Variants in ADK observed in about 807,000 individuals in gnomAD.
The protein encoded by ADK is N6,N6-dimethyladenosine kinase.
Under a neutral mutation model 44.7 loss-of-function variants are expected in ADK, and 24 were observed. The observed-to-expected ratio is 0.54, with a 90% CI of 0.39 to 0.76. ADK has a LOEUF of 0.76. ADK is among the 30% of genes least tolerant of loss of function. The probability of loss-of-function intolerance (pLI) is 0.00; values close to 1 mark genes in which losing one functional copy is unlikely to be tolerated. For synonymous variants in ADK, 128 were observed against 142.6 expected, an observed-to-expected ratio of 0.90 and a Z score of 0.73; for missense variants, 321 against 425.1, an observed-to-expected ratio of 0.76 and a Z score of 2.15.
rs763883316 is a variant in ADK at position 74,627,680 on chromosome 10, G to A, written c.877+27187G>A. Among the ~76,000 whole-genome samples, 15 of 151,994 alleles carry A rather than the reference G, an allele frequency of 9.9e-5. 1 individual carries two copies. The highest frequency in any genetic ancestry group is 5.9e-4 in the Admixed American group (9 of 15,264). On this transcript the variant is annotated intron_variant, in intron 9 of 10. Coordinates refer to ENST00000539909, the MANE Select transcript of ADK (RefSeq NM_006721.4). ...GAGTCTCGCTCTGTCACCCAGGCTG[G>A]AGTGTGCAGTGGCACGATCTCGGCT...
chr10:74,515,417 A>G (rs1848528933), intron 6 of ADK, among the ~76,000 whole-genome samples: 1 of 152,204 alleles, frequency 6.6e-6, no homozygotes, highest in Non-Finnish European at 1.5e-5. Context: ...GACTGGGGCC[A>G]CAAGGCTGTT....
intron 1 of ADK, among the ~76,000 whole-genome samples, chr10:74,175,999 C>T (rs1001558883): frequency 4.6e-5 from 7 of 151,976 alleles, no homozygotes; most frequent in African/African-American, 1.5e-4. Context: ...TTTTTATAGC[C>T]CGCATGCTTC....
chr10:74,164,661 A>G (rs945772753), intron 1 of ADK, among the ~76,000 whole-genome samples: 6 of 152,282 alleles, frequency 3.9e-5, no homozygotes, highest in African/African-American at 1.2e-4. Flanking sequence ...CTTTAGAGAA[A>G]TATATACATT....
intron 9 of ADK, among the ~76,000 whole-genome samples, chr10:74,652,045 TCTTTC>T (rs1445067311): frequency 2.0e-5 from 3 of 150,220 alleles, no homozygotes; most frequent in African/African-American, 5.0e-5. Context: ...GAACTTTCTT[TCTTTC>T]TTTTTTTTTT....
intron 7 of ADK, among the ~76,000 whole-genome samples, chr10:74,533,334 C>G (rs541616708): frequency 6.6e-6 from 1 of 152,136 alleles, no homozygotes; most frequent in South Asian, 2.1e-4. Flanking sequence ...AGTAGCCAAA[C>G]CAACGTGGAT....
chr10:74,416,031 T>TACAC (rs1242450172), intron 6 of ADK, among the ~76,000 whole-genome samples: 10 of 82,868 alleles, frequency 1.2e-4, no homozygotes, highest in Admixed American at 2.7e-4. Context: ...CACATACATA[T>TACAC]ATACACACAC....
intron 4 of ADK, among the ~76,000 whole-genome samples, chr10:74,345,917 T>C (rs11001006): frequency 0.65 from 99,364 of 151,986 alleles, 33,622 homozygotes; most frequent in Middle Eastern, 0.81. Context: ...TGTTTTGAGA[T>C]GCAGTCTCTC....
chr10:74,700,148 T>C (rs1856363105), intron 10 of ADK, among the ~76,000 whole-genome samples: 1 of 152,192 alleles, frequency 6.6e-6, no homozygotes, highest in African/African-American at 2.4e-5. Context: ...ACATAGGAGA[T>C]AGATTAAACT....
At chr10:74,642,359 ATTTTT>A (rs59316334) in intron 9 of ADK, among the ~76,000 whole-genome samples, 3 of 134,152 alleles carry the variant, frequency 2.2e-5, no homozygotes, top group African/African-American at 8.5e-5. Flanking sequence ...GATGCACTCA[ATTTTT>A]TTTTTTTTTT....
intron 7 of ADK, among the ~76,000 whole-genome samples, chr10:74,560,620 T>A (rs1386040708): frequency 6.6e-6 from 1 of 152,226 alleles, no homozygotes; most frequent in African/African-American, 2.4e-5. Context: ...TAAAATTTTG[T>A]TAATTTAGTC....
chr10:74,453,979 A>G (rs757979122), intron 6 of ADK, among the ~76,000 whole-genome samples: 4 of 152,162 alleles, frequency 2.6e-5, no homozygotes, highest in Admixed American at 6.5e-5. Context: ...CAGTTTCATT[A>G]ACATCTTAAA....
chr10:74,608,245 C>T (rs1363341047), intron 9 of ADK, among the ~76,000 whole-genome samples: 1 of 151,878 alleles, frequency 6.6e-6, no homozygotes, highest in African/African-American at 2.4e-5. Flanking sequence ...ATTTGTCAAA[C>T]TAGTTCTCTG....
chr10:74,157,843 G>T (rs1170695972), intron 1 of ADK, among the ~76,000 whole-genome samples: 1 of 152,180 alleles, frequency 6.6e-6, no homozygotes, highest in Non-Finnish European at 1.5e-5. Context: ...GGTGAGCCGA[G>T]ATCGTGCCAT....
chr10:74,604,018 T>A (rs1434602550), intron 9 of ADK, among the ~76,000 whole-genome samples: 3 of 152,248 alleles, frequency 2.0e-5, no homozygotes, highest in Non-Finnish European at 4.4e-5. Flanking sequence ...GAGCTTTTTT[T>A]CATGTGTTTG....
intron 6 of ADK, among the ~76,000 whole-genome samples, chr10:74,504,941 T>G (rs1488642627): frequency 6.6e-6 from 1 of 152,070 alleles, no homozygotes; most frequent in African/African-American, 2.4e-5. Flanking sequence ...CAGTTCTTTA[T>G]AGGAGTGTGA....
chr10:74,654,225 G>C (rs1256030334), intron 9 of ADK, among the ~76,000 whole-genome samples: 1 of 152,132 alleles, frequency 6.6e-6, no homozygotes, highest in Non-Finnish European at 1.5e-5. Flanking sequence ...TTTAAGAAGG[G>C]TCACATTTAG....
At chr10:74,585,854 T>C (rs1367088735) in intron 7 of ADK, among the ~76,000 whole-genome samples, 1 of 152,214 alleles carries the variant, frequency 6.6e-6, no homozygotes, top group Non-Finnish European at 1.5e-5. Flanking sequence ...GACTTGCTTG[T>C]TTTCTTTTCT....
intron 1 of ADK, among the ~76,000 whole-genome samples, chr10:74,160,998 T>A (rs941228088): frequency 6.6e-6 from 1 of 152,176 alleles, no homozygotes; most frequent in South Asian, 2.1e-4. Context: ...TCTATAAAAC[T>A]TTTCTACTCA....
chr10:74,537,371 TTTTAA>T (rs1454657510), intron 7 of ADK, among the ~76,000 whole-genome samples: 1 of 152,222 alleles, frequency 6.6e-6, no homozygotes, highest in Non-Finnish European at 1.5e-5. Flanking sequence ...TACATTGTAG[TTTTAA>T]TTTGTTTCTG....
Sources: allele counts gnomAD v4.1 joint callset (sites outside exome capture counted in the v4.1 genomes callset), GRCh38; gene constraint gnomAD v4.1.1; transcripts MANE v1.5; gene names NCBI Gene and HGNC (gene_info 2026-07-23, HGNC 2026-07-21).